Variants in APOA4 observed in about 807,000 individuals in gnomAD.
The protein encoded by APOA4 is apolipoprotein A4, also known as apolipoprotein A-IV.
APOA4 carries 25 observed loss-of-function variants against 33.6 expected under a neutral mutation model. The ratio of observed to expected loss-of-function variants is 0.74; its 90% CI spans 0.54 to 1.04. The LOEUF (loss-of-function observed/expected upper bound fraction) is 1.04, where lower values mean the gene tolerates loss of function less well. Ranked by LOEUF, APOA4 falls within the 50% of genes least tolerant of loss-of-function variation. The probability of loss-of-function intolerance (pLI) is 0.00; values close to 1 mark genes in which losing one functional copy is unlikely to be tolerated. For missense variants in APOA4, 549 were observed against 510.4 expected, an observed-to-expected ratio of 1.08 and a Z score of -0.73; for synonymous variants, 228 against 224.0, an observed-to-expected ratio of 1.02 and a Z score of -0.16.
Position 116,821,631 on chromosome 11 carries a change from G to T in APOA4, c.427C>A (p.Arg143Ser), listed in dbSNP as rs756971543. 6.8e-6 allele frequency: 11 copies of T among 1,610,222 alleles called. No individual in the cohort carries two copies. The highest frequency in any genetic ancestry group is 9.3e-6 in the Non-Finnish European group (11 of 1,178,240). The change falls in exon 3 of 3, where the codon CGC (arginine) becomes AGC (serine). Residue 143 changes from arginine to serine, a missense_variant. Physicochemically the swap from Arg to Ser is moderately radical, Grantham distance 110. Transcript: ENST00000357780. ...TCGGCCTGCGTGCTGACCTGGGTGCGCAGCTGGTCCGCGTAGGGCTCCAGG... is the reference window on the plus strand; with the variant it reads ...TCGGCCTGCGTGCTGACCTGGGTGCTCAGCTGGTCCGCGTAGGGCTCCAGG... ...QRLEPYADQLRTQVSTQAEQL... is the reference protein window; with the variant it reads ...QRLEPYADQLSTQVSTQAEQL...
intron 1 of APOA4, 67 bp downstream of exon 1, chr11:116,823,076 C>T (rs1941343844): frequency 6.3e-7 from 1 of 1,590,452 alleles, no homozygotes; most frequent in Non-Finnish European, 8.6e-7. Context: ...TGCTTTGGCT[C>T]AGCCTCCATC....
At chr11:116,822,419 G>A (rs1183008804) in intron 2 of APOA4, among the ~76,000 whole-genome samples, 2 of 152,146 alleles carry the variant, frequency 1.3e-5, no homozygotes, top group East Asian at 1.9e-4. Flanking sequence ...GAGCCTGAAT[G>A]ATAGGATGTG....
At position 116,821,644 on chromosome 11, in the gene APOA4, G is replaced by C. The variant is rs145317065; in HGVS notation, c.414C>G (p.Tyr138Ter). 10 of 1,610,738 alleles carry C rather than the reference G, an allele frequency of 6.2e-6. No homozygotes were observed. Among genetic ancestry groups the C allele is most frequent in the Non-Finnish European group, 8.5e-6 (10 of 1,178,166 alleles). The change falls in exon 3 of 3, where the codon TAC becomes TAG. Residue 138 changes from tyrosine to a stop codon, truncating the protein, a stop_gained. Coordinates refer to ENST00000357780, the MANE Select transcript of APOA4 (RefSeq NM_000482.4). LOFTEE classifies it high-confidence loss of function. Reference protein sequence around the residue: ...LRELQQRLEPYADQLRTQVST... With the variant: ...LRELQQRLEP ...TGACCTGGGTGCGCAGCTGGTCCGC[G>C]TAGGGCTCCAGGCGCTGCTGAAGCT...
In APOA4 at chr11:116,821,410, C is replaced by T; in HGVS notation, c.648G>A (p.Val216=). The change falls in exon 3 of 3, where the codon GTG becomes GTA. Residue 216 remains valine, a synonymous_variant. Coordinates refer to ENST00000357780, the MANE Select transcript of APOA4 (RefSeq NM_000482.4). ...GAGCCAGGCTGCGGCGCAGCTCCTC[C>T]ACGGTCTGGTCAATCTTGACTTTGA... ...DEFKVKIDQT[V]EELRRSLAPY... is the part of the protein sequence containing the mutation. 1 of 1,614,188 alleles carries T rather than the reference C, an allele frequency of 6.2e-7. No individual in the cohort carries two copies. The highest frequency in any genetic ancestry group is 8.5e-7 in the Non-Finnish European group (1 of 1,180,026).
At chr11:116,822,591 C>T in intron 2 of APOA4, 68 bp downstream of exon 2, 2 of 1,612,440 alleles carry the variant, frequency 1.2e-6, no homozygotes, top group Non-Finnish European at 8.5e-7. Context: ...CTAAGCTCAA[C>T]CCTTGCCAGT....
At chr11:116,822,620 G>T in intron 2 of APOA4, 39 bp downstream of exon 2, 1 of 1,614,090 alleles carries the variant, frequency 6.2e-7, no homozygotes, top group Non-Finnish European at 8.5e-7. Context: ...TGGCCTTTAA[G>T]AATTCCCCGT....
Position 116,821,248 on chromosome 11 carries a change from C to A in APOA4, c.810G>T (p.Leu270Phe), listed in dbSNP as rs756563913. The change falls in exon 3 of 3, where the codon TTG (leucine) becomes TTT (phenylalanine). Residue 270 changes from leucine (L) to phenylalanine (F), a missense_variant. Coordinates refer to ENST00000357780, the MANE Select transcript of APOA4 (RefSeq NM_000482.4). ...AEELRQRLAP[L>F]AEDVRGNLRG... Reference sequence around the variant, plus strand: ...TCAGGTTGCCACGCACGTCCTCGGCCAAGGGCGCCAGCCTCTGCCGCAGCT... The same window carrying A: ...TCAGGTTGCCACGCACGTCCTCGGCAAAGGGCGCCAGCCTCTGCCGCAGCT... The A allele has an allele frequency of 1.2e-6, 2 of 1,613,124 alleles. No homozygotes were observed. The highest frequency in any genetic ancestry group is 2.7e-5 in the African/African-American group (2 of 75,070).
rs781026372 is a variant in APOA4 at position 116,822,680 on chromosome 11, G to C, written c.155C>G (p.Ser52Cys). The C allele has an allele frequency of 6.2e-6, 10 of 1,614,232 alleles. No individual in the cohort carries two copies. Among genetic ancestry groups the C allele is most frequent in the Non-Finnish European group, 7.6e-6 (9 of 1,180,044 alleles). The change falls in exon 2 of 3, where the codon TCT (serine) becomes TGT (cysteine). Residue 52 changes from serine (S) to cysteine (C), a missense_variant. Transcript: ENST00000357780. Reference protein sequence around the residue: ...AKEAVEHLQKSELTQQLNALF... With the variant: ...AKEAVEHLQKCELTQQLNALF... ...TTACTTGAGTTGCTGGGTGAGTTCA[G>C]ATTTCTGGAGATGTTCCACGGCCTC...
chr11:116,823,254 G>T lies in APOA4; in HGVS notation c.-63C>A, dbSNP rs1591323240. The T allele has an allele frequency of 1.3e-6, 2 of 1,596,650 alleles. No individual in the cohort carries two copies. The highest frequency in any genetic ancestry group is 4.5e-5 in the East Asian group (2 of 44,808). On this transcript the variant is annotated 5_prime_UTR_variant, in exon 1 of 3. Coordinates refer to ENST00000357780, the MANE Select transcript of APOA4 (RefSeq NM_000482.4). Reference sequence around the variant, plus strand: ...CACTGGATCCTCCCTACAATCAGGGGAGCTGACAGAGAGGTCCTCAGGAGA... The same window carrying T: ...CACTGGATCCTCCCTACAATCAGGGTAGCTGACAGAGAGGTCCTCAGGAGA...
rs537484425 is a variant in APOA4 at position 116,822,610 on chromosome 11, T to C, written c.176+49A>G. On this transcript the variant is annotated intron_variant, in intron 2 of 2. Transcript: ENST00000357780. ...GCTCAACCCTTGCCAGTACATTGCA[T>C]GGCCTTTAAGAATTCCCCGTCACCA... The C allele has an allele frequency of 1.2e-5, 20 of 1,613,900 alleles. No individual in the cohort carries two copies. The Admixed American group carries it at 1.7e-4, about 13-fold the overall frequency.
chr11:116,823,003 A>T (rs1941343344), intron 1 of APOA4, 140 bp downstream of exon 1: 1 of 1,358,616 alleles, frequency 7.4e-7, no homozygotes, highest in Non-Finnish European at 1.0e-6. Flanking sequence ...CCTGTGAGCC[A>T]CTTGGCAGCC....
chr11:116,821,560 T>C lies in APOA4; in HGVS notation c.498A>G (p.Arg166=). The change falls in exon 3 of 3, where the codon AGA becomes AGG. Residue 166 remains arginine, a synonymous_variant. Coordinates refer to ENST00000357780, the MANE Select transcript of APOA4 (RefSeq NM_000482.4). ...GGCTGTCGGCGTTCTCCCGCAGCAC[T>C]CTCTCCATGCGCTGTGCGTAGGGGG... ...QLTPYAQRME[R]VLRENADSLQ... is the part of the protein sequence containing the mutation. 1 of 1,612,036 alleles carries C rather than the reference T, an allele frequency of 6.2e-7. No homozygotes were observed. The highest frequency in any genetic ancestry group is 8.5e-7 in the Non-Finnish European group (1 of 1,179,938).
rs755709662 is a variant in APOA4 at position 116,821,583 on chromosome 11, G to A, written c.475C>T (p.Pro159Ser). 1.2e-6 allele frequency: 2 copies of A among 1,610,372 alleles called. No homozygotes were observed. The highest frequency in any genetic ancestry group is 1.3e-5 in the African/African-American group (1 of 75,042). Residue 159 changes from proline to serine, a missense_variant, in exon 3 of 3, where the codon CCC (proline) becomes TCC (serine). Pro to Ser is a moderately conservative substitution (Grantham distance 74). Transcript: ENST00000357780. Reference sequence around the variant, plus strand: ...ACTCTCTCCATGCGCTGTGCGTAGGGGGTCAGCTGGCGCCGCAGCTGCTCG... The same window carrying A: ...ACTCTCTCCATGCGCTGTGCGTAGGAGGTCAGCTGGCGCCGCAGCTGCTCG... ...QAEQLRRQLTPYAQRMERVLR... is the reference protein window; with the variant it reads ...QAEQLRRQLTSYAQRMERVLR...
Position 116,820,746 on chromosome 11 carries a change from T to C in APOA4, c.*121A>G. On this transcript the variant is annotated 3_prime_UTR_variant, in exon 3 of 3. Transcript: ENST00000357780. ...CTTTATTGAATATTGAGAGGTGGTC[T>C]CACCTCCCACTGGACATGTGTCCTC... 6.9e-7 allele frequency: 1 copy of C among 1,453,794 alleles called. No individual in the cohort carries two copies. Among genetic ancestry groups the C allele is most frequent in the Non-Finnish European group, 9.2e-7 (1 of 1,083,176 alleles). 90.1% of individuals were successfully genotyped at this position (1,453,794 alleles called of 1,614,324 possible). A position where few individuals can be genotyped will look rare whatever the true frequency, so the allele number is the denominator to read the frequency against.
chr11:116,822,001 C>A, intron 2 of APOA4, 120 bp from the exon 3 acceptor site: 1 of 1,254,624 alleles, frequency 8.0e-7, no homozygotes, highest in Non-Finnish European at 1.2e-6. Context: ...CTCAGAGGTA[C>A]CGAGTTCACC....
Position 116,820,935 on chromosome 11 carries a change from G to A in APOA4, c.1123C>T (p.Gln375Ter), listed in dbSNP as rs1183275390. ...DKTLSLPELE[Q>*]QQEQQQEQQQ... The stretch of plus-strand genomic sequence containing the variant: ...TGCTCCTGCTGCTGTTCCTGCTGTT[G>A]CTCCAGCTCAGGGAGGGAGAGAGTC... Residue 375 changes from glutamine (Q) to a stop codon, truncating the protein, a stop_gained, in exon 3 of 3, where the codon CAA becomes TAA. Transcript: ENST00000357780. LOFTEE classifies it high-confidence loss of function. 13 of 1,614,186 alleles carry A rather than the reference G, an allele frequency of 8.1e-6. No homozygotes were observed. The highest frequency in any genetic ancestry group is 1.0e-5 in the Non-Finnish European group (12 of 1,180,024).
chr11:116,821,576 G>T lies in APOA4; in HGVS notation c.482C>A (p.Ala161Glu). The T allele has an allele frequency of 1.2e-6, 2 of 1,611,160 alleles. No individual in the cohort carries two copies. The highest frequency in any genetic ancestry group is 1.7e-6 in the Non-Finnish European group (2 of 1,179,652). Residue 161 changes from alanine to glutamate, a missense_variant, in exon 3 of 3, where the codon GCA becomes GAA. By Grantham distance (107) the Ala-to-Glu change is moderately radical. Coordinates refer to ENST00000357780, the MANE Select transcript of APOA4 (RefSeq NM_000482.4). ...EQLRRQLTPY[A>E]QRMERVLREN... ...CCGCAGCACTCTCTCCATGCGCTGT[G>T]CGTAGGGGGTCAGCTGGCGCCGCAG...
chr11:116,822,564 G>A (rs13306177), intron 2 of APOA4, 95 bp downstream of exon 2: 2 of 1,592,272 alleles, frequency 1.3e-6, no homozygotes, highest in Admixed American at 1.7e-5. Context: ...GGTATCCTAA[G>A]CTCAGGGCTC....
chr11:116,821,066 G>A lies in APOA4; in HGVS notation c.992C>T (p.Pro331Leu), dbSNP rs565211148. The A allele has an allele frequency of 1.2e-6, 2 of 1,614,146 alleles. No homozygotes were observed. Among genetic ancestry groups the A allele is most frequent in the South Asian group, 2.2e-5 (2 of 91,078 alleles). Reference sequence around the variant, plus strand: ...GTGGCCTTCCACGTCCCCCGCATGGGGGCCCAGTTTCTGCCTGAGCTGTTC... The same window carrying A: ...GTGGCCTTCCACGTCCCCCGCATGGAGGCCCAGTTTCTGCCTGAGCTGTTC... ...QMEQLRQKLGPHAGDVEGHLS... is the reference protein window; with the variant it reads ...QMEQLRQKLGLHAGDVEGHLS... The change falls in exon 3 of 3, where the codon CCC (proline) becomes CTC (leucine). Residue 331 changes from proline to leucine, a missense_variant. Pro to Leu is a moderately conservative substitution (Grantham distance 98, BLOSUM62 -3). Transcript: ENST00000357780.
Sources: allele counts gnomAD v4.1 joint callset (sites outside exome capture counted in the v4.1 genomes callset), GRCh38; gene constraint gnomAD v4.1.1; transcripts MANE v1.5; gene names NCBI Gene and HGNC (gene_info 2026-07-23, HGNC 2026-07-21).